DMD: variants seen among roughly 807,000 people sequenced by gnomAD.
The protein encoded by DMD is dystrophin.
A neutral mutation model predicts 330.1 loss-of-function variants in DMD; 63 were observed. That is an observed-to-expected ratio of 0.19 (90% CI 0.16 to 0.24). The LOEUF (loss-of-function observed/expected upper bound fraction) is 0.24, where lower values mean the gene tolerates loss of function less well. Among genes scored for constraint, DMD ranks in the 10% least tolerant of loss-of-function variants. DMD has a pLI of 1.00. For missense variants in DMD, 3,344 were observed against 2,684.1 expected, an observed-to-expected ratio of 1.25 and a Z score of -5.43; for synonymous variants, 1,223 against 959.8, an observed-to-expected ratio of 1.27 and a Z score of -5.07.
intron 2 of DMD, among the ~76,000 whole-genome samples, chrX:32,942,363 T>C (rs951311180): frequency 4.5e-5 from 5 of 110,949 alleles, no homozygotes; most frequent in African/African-American, 1.6e-4. Flanking sequence ...GCCAACATGG[T>C]GAAACCCCAT....
intron 47 of DMD, among the ~76,000 whole-genome samples, chrX:31,892,873 C>T (rs1019710635): frequency 4.5e-5 from 5 of 112,125 alleles, no homozygotes; most frequent in Non-Finnish European, 9.4e-5. Flanking sequence ...CTGATTGCAA[C>T]GTCAAAATGA....
At chrX:31,682,113 T>A (rs749752076) in intron 52 of DMD, among the ~76,000 whole-genome samples, 2 of 111,906 alleles carry the variant, frequency 1.8e-5, no homozygotes, top group East Asian at 5.6e-4. Flanking sequence ...ATACTTCAGA[T>A]ATTTTGTAAA....
intron 1 of DMD, among the ~76,000 whole-genome samples, chrX:33,031,355 T>C (rs1475591399): frequency 9.1e-6 from 1 of 110,303 alleles, no homozygotes; most frequent in Non-Finnish European, 1.9e-5. Context: ...GTAGGGCTCC[T>C]CAATTGTTGC....
chrX:32,569,026 G>T (rs986430075), intron 15 of DMD, among the ~76,000 whole-genome samples: 1 of 112,021 alleles, frequency 8.9e-6, no homozygotes, highest in Non-Finnish European at 1.9e-5. Flanking sequence ...GTGGCAAAAG[G>T]AAGATCTAGA....
intron 60 of DMD, among the ~76,000 whole-genome samples, chrX:31,383,003 T>G (rs1378398599): frequency 1.8e-5 from 2 of 111,711 alleles, no homozygotes; most frequent in African/African-American, 6.5e-5. Flanking sequence ...AACTGAAAAA[T>G]CACAAAAGAA....
At chrX:32,376,645 T>C (rs1012598057) in intron 34 of DMD, among the ~76,000 whole-genome samples, 2 of 111,053 alleles carry the variant, frequency 1.8e-5, no homozygotes, top group Non-Finnish European at 3.8e-5. Context: ...GTTTATATTA[T>C]AGACAATGCA....
intron 44 of DMD, among the ~76,000 whole-genome samples, chrX:32,123,981 A>AAAT (rs1470229003): frequency 1.8e-5 from 2 of 112,168 alleles, no homozygotes. Flanking sequence ...GATACTTAAA[A>AAAT]AATACTTAGA....
chrX:32,635,478 G>A (rs945611608), intron 11 of DMD, among the ~76,000 whole-genome samples: 6 of 111,490 alleles, frequency 5.4e-5, no homozygotes, highest in Non-Finnish European at 1.1e-4. Flanking sequence ...AATATATGGT[G>A]ACCATATAAA....
intron 48 of DMD, among the ~76,000 whole-genome samples, chrX:31,873,848 G>A (rs1456798676): frequency 8.9e-6 from 1 of 111,732 alleles, no homozygotes; most frequent in African/African-American, 3.3e-5. Flanking sequence ...CTTACCTGCA[G>A]TATCTCATTC....
At chrX:32,872,197 G>A (rs979355454) in intron 2 of DMD, among the ~76,000 whole-genome samples, 5 of 111,241 alleles carry the variant, frequency 4.5e-5, no homozygotes, top group African/African-American at 1.3e-4. Flanking sequence ...AAATTTAAAG[G>A]TTGCTAATGC....
At chrX:32,420,957 TG>T (rs1301409953) in intron 29 of DMD, among the ~76,000 whole-genome samples, 1 of 111,613 alleles carries the variant, frequency 9.0e-6, no homozygotes, top group Non-Finnish European at 1.9e-5. Context: ...CAGGTTCTCT[TG>T]GACTACAGTG....
intron 51 of DMD, among the ~76,000 whole-genome samples, chrX:31,771,219 A>AT (rs2149231019): frequency 9.1e-6 from 1 of 110,469 alleles, no homozygotes; most frequent in African/African-American, 3.3e-5. Context: ...ATTTAGGGCC[A>AT]TTTTACCGAC....
intron 7 of DMD, among the ~76,000 whole-genome samples, chrX:32,782,296 C>G (rs1195756492): frequency 9.0e-6 from 1 of 110,911 alleles, no homozygotes; most frequent in African/African-American, 3.3e-5. Context: ...AAGCACAAAA[C>G]AAAACAAAAA....
intron 50 of DMD, among the ~76,000 whole-genome samples, chrX:31,811,409 C>G (rs955034121): frequency 1.8e-5 from 2 of 111,968 alleles, no homozygotes; most frequent in Non-Finnish European, 3.8e-5. Context: ...CCAGGGCTTT[C>G]TGTTGTCACT....
intron 9 of DMD, among the ~76,000 whole-genome samples, chrX:32,654,255 T>A (rs765591906): frequency 8.9e-6 from 1 of 111,840 alleles, no homozygotes; most frequent in East Asian, 2.8e-4. Flanking sequence ...GCTTCCAGTT[T>A]TTGCCCATTC....
chrX:32,342,549 T>C, intron 40 of DMD: 1 of 357,500 alleles, frequency 2.8e-6, no homozygotes, highest in South Asian at 4.7e-5. Flanking sequence ...TAAATTCCTC[T>C]GGTGTCTTGG....
At chrX:33,289,072 T>C (rs1005719352) in intron 1 of DMD, among the ~76,000 whole-genome samples, 1 of 111,445 alleles carries the variant, frequency 9.0e-6, no homozygotes, top group African/African-American at 3.3e-5. Context: ...AACAAAGTTA[T>C]TATTTCTATC....
intron 2 of DMD, among the ~76,000 whole-genome samples, chrX:32,871,905 A>G (rs1484539350): frequency 1.8e-5 from 2 of 111,168 alleles, no homozygotes; most frequent in African/African-American, 3.3e-5. Flanking sequence ...CCTCCCCATC[A>G]TAACACTAGC....
At chrX:33,198,252 T>C (rs2148818951) in intron 1 of DMD, among the ~76,000 whole-genome samples, 1 of 111,561 alleles carries the variant, frequency 9.0e-6, no homozygotes, top group Non-Finnish European at 1.9e-5. Context: ...TTAAGGCTTT[T>C]CCCACATTTT....
Sources: allele counts gnomAD v4.1 joint callset (sites outside exome capture counted in the v4.1 genomes callset), GRCh38; gene constraint gnomAD v4.1.1; transcripts MANE v1.5; gene names NCBI Gene and HGNC (gene_info 2026-07-23, HGNC 2026-07-21).